The following ATP2B2 variants were observed in gnomAD, a reference collection of about 807,000 sequenced individuals.
ATP2B2 encodes ATPase plasma membrane Ca2+ transporting 2.
A neutral mutation model predicts 120.0 loss-of-function variants in ATP2B2; 15 were observed. That is an observed-to-expected ratio of 0.12 (90% CI 0.08 to 0.19). The LOEUF (loss-of-function observed/expected upper bound fraction) is 0.19, where lower values mean the gene tolerates loss of function less well. ATP2B2 is among the 10% of genes least tolerant of loss of function. The pLI is 1.00. For missense variants in ATP2B2, 1,045 were observed against 1,719.8 expected, an observed-to-expected ratio of 0.61 and a Z score of 6.94; for synonymous variants, 694 against 700.3, an observed-to-expected ratio of 0.99 and a Z score of 0.14.
chr3:10,328,883 G>T lies in ATP2B2; in HGVS notation c.3663C>A (p.Thr1221=). 1.9e-6 allele frequency: 3 copies of T among 1,613,864 alleles called. No individual in the cohort carries two copies. Among genetic ancestry groups the T allele is most frequent in the Non-Finnish European group, 2.5e-6 (3 of 1,179,976 alleles). The part of the protein sequence containing the change: ...SAIDSGINLT[T]DTSKSATSSS... ...AAGAGGTAGCTGATTTGCTTGTGTC[G>T]GTCGTCAGGTTGATCCCACTGTCGA... The change falls in exon 23 of 23, where the codon ACC becomes ACA. Residue 1221 remains threonine, a synonymous_variant. Coordinates refer to ENST00000360273, the MANE Select transcript of ATP2B2 (RefSeq NM_001001331.4).
chr3:10,703,670 C>T (rs2071853785), intron 1 of ATP2B2, among the ~76,000 whole-genome samples: 1 of 152,218 alleles, frequency 6.6e-6, no homozygotes, highest in Admixed American at 6.5e-5. Flanking sequence ...TCTCAGTTTC[C>T]TCATCTGTCA....
At chr3:10,610,654 G>A (rs899840378) in intron 2 of ATP2B2, among the ~76,000 whole-genome samples, 1 of 152,180 alleles carries the variant, frequency 6.6e-6, no homozygotes, top group Middle Eastern at 3.2e-3. Flanking sequence ...GCAAAAGTGA[G>A]CCTCCATCCT....
intron 1 of ATP2B2, among the ~76,000 whole-genome samples, chr3:10,637,535 G>A (rs945845306): frequency 6.6e-6 from 1 of 152,192 alleles, no homozygotes; most frequent in African/African-American, 2.4e-5. Flanking sequence ...TAGCAGATTA[G>A]ACACTGCAGA....
intron 1 of ATP2B2, among the ~76,000 whole-genome samples, chr3:10,481,249 A>G (rs2065399099): frequency 6.6e-6 from 1 of 152,230 alleles, no homozygotes; most frequent in African/African-American, 2.4e-5. Context: ...TGGTATTTAT[A>G]TCACTTGCTT....
intron 2 of ATP2B2, among the ~76,000 whole-genome samples, chr3:10,553,845 G>A (rs552803415): frequency 4.1e-4 from 63 of 152,138 alleles, no homozygotes; most frequent in Admixed American, 2.5e-3. Flanking sequence ...GTTGCTAAGC[G>A]GCCCTATGAC....
In ATP2B2 at chr3:10,632,667, C is replaced by T. The variant is rs186849282; in HGVS notation, c.-459-12706G>A. ...AAAGGGACACTGGGCATGGGTGGGT[C>T]CTTTCCCCTACCCTGGGTCTTTCTC... On this transcript the variant is annotated intron_variant, in intron 1 of 21. Transcript: ENST00000646379. 1.9e-3 allele frequency among the ~76,000 whole-genome samples: 290 copies of T among 152,324 alleles called. 1 individual carries two copies. Among genetic ancestry groups the T allele is most frequent in the African/African-American group, 6.4e-3 (267 of 41,562 alleles).
At chr3:10,684,133 A>G (rs531166431) in intron 1 of ATP2B2, among the ~76,000 whole-genome samples, 1 of 152,276 alleles carries the variant, frequency 6.6e-6, no homozygotes, top group East Asian at 1.9e-4. Context: ...CTGGCCAATC[A>G]TGGTAGCTCA....
At chr3:10,657,226 TC>T (rs2070655497) in intron 1 of ATP2B2, among the ~76,000 whole-genome samples, 1 of 152,242 alleles carries the variant, frequency 6.6e-6, no homozygotes, top group Admixed American at 6.5e-5. Flanking sequence ...TCACAGAAGT[TC>T]CACCAACAAG....
intron 5 of ATP2B2, among the ~76,000 whole-genome samples, 185 bp from the exon 6 acceptor site, chr3:10,388,587 A>G (rs1307186399): frequency 6.6e-6 from 1 of 152,212 alleles, no homozygotes; most frequent in African/African-American, 2.4e-5. Flanking sequence ...ACCTCAGGAC[A>G]GTGCTGGGGT....
intron 1 of ATP2B2, among the ~76,000 whole-genome samples, chr3:10,490,400 CTTTTT>C (rs34189325): frequency 1.5e-5 from 2 of 136,868 alleles, no homozygotes; most frequent in South Asian, 2.3e-4. Context: ...CCACGGCATT[CTTTTT>C]TTTTTTTTTT....
intron 5 of ATP2B2, among the ~76,000 whole-genome samples, chr3:10,399,934 C>T (rs897466055): frequency 6.6e-6 from 1 of 152,246 alleles, no homozygotes; most frequent in Non-Finnish European, 1.5e-5. Context: ...GTTGGTAGGC[C>T]TGAATCCCCA....
At chr3:10,433,720 C>T (rs905705042) in intron 2 of ATP2B2, among the ~76,000 whole-genome samples, 2 of 152,164 alleles carry the variant, frequency 1.3e-5, no homozygotes, top group Non-Finnish European at 2.9e-5. Flanking sequence ...CTGTTACCCA[C>T]CTTCAGCAAT....
chr3:10,590,201 C>A (rs1189695079), intron 2 of ATP2B2, among the ~76,000 whole-genome samples: 1 of 152,118 alleles, frequency 6.6e-6, no homozygotes, highest in Non-Finnish European at 1.5e-5. Context: ...TGATATGATT[C>A]AATTTTTCAA....
chr3:10,559,466 C>T (rs1352204182), intron 2 of ATP2B2, among the ~76,000 whole-genome samples: 2 of 151,926 alleles, frequency 1.3e-5, no homozygotes, highest in Non-Finnish European at 2.9e-5. Context: ...TCACTACACA[C>T]GTATGGAAAT....
chr3:10,595,282 G>T (rs2068740247), intron 2 of ATP2B2, among the ~76,000 whole-genome samples: 1 of 152,118 alleles, frequency 6.6e-6, no homozygotes, highest in Non-Finnish European at 1.5e-5. Flanking sequence ...GAGGCGTGCT[G>T]GAGGTTCTCA....
intron 1 of ATP2B2, among the ~76,000 whole-genome samples, chr3:10,646,499 CAT>C (rs2070324612): frequency 6.6e-6 from 1 of 152,036 alleles, no homozygotes. Flanking sequence ...GGCTTAATTC[CAT>C]ATATGTCTTT....
At chr3:10,531,732 T>C (rs1373175415) in intron 3 of ATP2B2, among the ~76,000 whole-genome samples, 2 of 152,180 alleles carry the variant, frequency 1.3e-5, no homozygotes, top group African/African-American at 2.4e-5. Flanking sequence ...AACAAAATTG[T>C]ACATGCCACA....
chr3:10,412,983 A>G lies in ATP2B2; in HGVS notation c.200-2168T>C, dbSNP rs192870320. Among the ~76,000 whole-genome samples, 312 of 152,352 alleles carry G rather than the reference A, an allele frequency of 2.0e-3. 2 individuals carry two copies. Among genetic ancestry groups the G allele is most frequent in the Admixed American group, 4.4e-3 (68 of 15,312 alleles). ...TGGCCTTCAGTCTACTCCTGTGAACAGCACTAGCAGCACACTGGGGTTGCA... is the reference window on the plus strand; with the variant it reads ...TGGCCTTCAGTCTACTCCTGTGAACGGCACTAGCAGCACACTGGGGTTGCA... On this transcript the variant is annotated intron_variant, in intron 2 of 22. Transcript: ENST00000360273.
chr3:10,386,060 G>A (rs1190239498), intron 7 of ATP2B2, among the ~76,000 whole-genome samples: 4 of 152,240 alleles, frequency 2.6e-5, no homozygotes, highest in African/African-American at 9.6e-5. Flanking sequence ...TTGTGGGTAG[G>A]GAATAGTGTT....
Sources: allele counts gnomAD v4.1 joint callset (sites outside exome capture counted in the v4.1 genomes callset), GRCh38; gene constraint gnomAD v4.1.1; transcripts MANE v1.5; gene names NCBI Gene and HGNC (gene_info 2026-07-23, HGNC 2026-07-21).